TMPRSS11E: variants seen among roughly 807,000 people sequenced by gnomAD.
The protein encoded by TMPRSS11E is transmembrane protease serine 11E.
In TMPRSS11E, 38 loss-of-function variants were observed where a neutral mutation model predicts 48.1. The ratio of observed to expected loss-of-function variants is 0.79; its 90% CI spans 0.61 to 1.04. The LOEUF (loss-of-function observed/expected upper bound fraction) is 1.04, where lower values mean the gene tolerates loss of function less well. Ranked by LOEUF, TMPRSS11E falls within the 50% of genes least tolerant of loss-of-function variation. The pLI, the probability that TMPRSS11E is intolerant of heterozygous loss-of-function variation, is 0.00. For missense variants in TMPRSS11E, 530 were observed against 510.8 expected (o/e 1.04, Z -0.36); for synonymous variants, 158 against 171.9 (o/e 0.92, Z 0.63).
At chr4:68,468,779 G>C (rs1178231834) in intron 3 of TMPRSS11E, 100 bp from the exon 4 acceptor site, 3 of 896,344 alleles carry the variant, frequency 3.3e-6, no homozygotes, top group Non-Finnish European at 5.6e-6. Context: ...AATGTTTTTT[G>C]CTCTGTTTTG....
chr4:68,483,953 G>A (rs1404264768), intron 9 of TMPRSS11E, among the ~76,000 whole-genome samples: 1 of 152,120 alleles, frequency 6.6e-6, no homozygotes, highest in Non-Finnish European at 1.5e-5. Context: ...TAGACATGCA[G>A]CTTTACTTCT....
intron 1 of TMPRSS11E, among the ~76,000 whole-genome samples, chr4:68,450,945 T>C (rs1234877350): frequency 6.6e-6 from 1 of 151,980 alleles, no homozygotes; most frequent in African/African-American, 2.4e-5. Flanking sequence ...TGAATCTTTG[T>C]TGTTCTGTCA....
intron 9 of TMPRSS11E, among the ~76,000 whole-genome samples, chr4:68,491,227 C>G (rs988752190): frequency 7.1e-6 from 1 of 141,154 alleles, no homozygotes; most frequent in Non-Finnish European, 1.5e-5. Flanking sequence ...TTTCTTGGAG[C>G]CTTTTAAAAA....
At position 68,478,986 on chromosome 4, in the gene TMPRSS11E, T is replaced by C; in HGVS notation, c.1105T>C (p.Cys369Arg). 6.2e-7 allele frequency: 1 copy of C among 1,613,410 alleles called. No individual in the cohort carries two copies. Among genetic ancestry groups the C allele is most frequent in the Non-Finnish European group, 8.5e-7 (1 of 1,179,816 alleles). Reference sequence around the variant, plus strand: ...CTCCTTAGAAGGAAAAACAGATGCATGCCAGGTAAACAGTTTTGCCCATTA... The same window carrying C: ...CTCCTTAGAAGGAAAAACAGATGCACGCCAGGTAAACAGTTTTGCCCATTA... The part of the protein sequence containing the change: ...AGSLEGKTDA[C>R]QGDSGGPLVS... Residue 369 changes from cysteine (C) to arginine (R), a missense_variant, in exon 9 of 10, where the codon TGC becomes CGC. Transcript: ENST00000305363.
chr4:68,476,359 C>A lies in TMPRSS11E; in HGVS notation c.628C>A (p.Gln210Lys), dbSNP rs1400850758. 3 of 1,613,996 alleles carry A rather than the reference C, an allele frequency of 1.9e-6. No homozygotes were observed. Among genetic ancestry groups the A allele is most frequent in the African/African-American group, 1.3e-5 (1 of 74,914 alleles). Residue 210 changes from glutamine (Q) to lysine (K), a missense_variant, in exon 7 of 10, where the codon CAG becomes AAG. Gln to Lys is a moderately conservative substitution (Grantham distance 53). Coordinates refer to ENST00000305363, the MANE Select transcript of TMPRSS11E (RefSeq NM_014058.4). ...EGEWPWQASL[Q>K]WDGSHRCGAT... ...TGAATGGCCCTGGCAGGCTAGCCTG[C>A]AGTGGGATGGGAGTCATCGCTGTGG... is the stretch of plus-strand genomic sequence containing the variant.
At chr4:68,452,482 A>G (rs1387061296) in intron 1 of TMPRSS11E, among the ~76,000 whole-genome samples, 1 of 151,968 alleles carries the variant, frequency 6.6e-6, no homozygotes, top group African/African-American at 2.4e-5. Flanking sequence ...TTTTAATATT[A>G]CCATGACTTT....
At chr4:68,468,728 G>C in intron 3 of TMPRSS11E, 151 bp from the exon 4 acceptor site, 1 of 684,672 alleles carries the variant, frequency 1.5e-6, no homozygotes, top group Non-Finnish European at 2.6e-6. Context: ...AACCACAATA[G>C]ATTCCTCAAG....
chr4:68,451,055 G>A (rs1728484687), intron 1 of TMPRSS11E, among the ~76,000 whole-genome samples: 1 of 151,816 alleles, frequency 6.6e-6, no homozygotes, highest in Non-Finnish European at 1.5e-5. Flanking sequence ...AGTGTCGTGT[G>A]TTTCCGTATT....
chr4:68,479,315 A>G (rs1338772543), intron 9 of TMPRSS11E, among the ~76,000 whole-genome samples: 1 of 152,068 alleles, frequency 6.6e-6, no homozygotes, highest in Non-Finnish European at 1.5e-5. Context: ...AACATCTGGC[A>G]ATCACTAATT....
chr4:68,474,864 C>A, intron 6 of TMPRSS11E, 103 bp downstream of exon 6: 1 of 919,258 alleles, frequency 1.1e-6, no homozygotes, highest in Non-Finnish European at 1.7e-6. Context: ...GGACAGAACA[C>A]ATAAAGTTTG....
intron 4 of TMPRSS11E, 54 bp from the exon 5 acceptor site, chr4:68,471,406 C>T: frequency 1.4e-6 from 1 of 693,010 alleles, no homozygotes; most frequent in Non-Finnish European, 2.0e-6. Context: ...CCCTTCCTGC[C>T]TTTCTTTCTT....
chr4:68,472,325 A>G (rs911970018), intron 5 of TMPRSS11E, among the ~76,000 whole-genome samples: 2 of 152,076 alleles, frequency 1.3e-5, no homozygotes, highest in Non-Finnish European at 2.9e-5. Flanking sequence ...GTTACATTAA[A>G]AATAAAAATA....
At chr4:68,495,003 G>A (rs558777236) in intron 9 of TMPRSS11E, among the ~76,000 whole-genome samples, 8 of 152,232 alleles carry the variant, frequency 5.3e-5, no homozygotes, top group Admixed American at 4.6e-4. Context: ...TAATAGCTGA[G>A]TTGAAAGGGT....
At chr4:68,477,226 T>C (rs1244619996) in intron 7 of TMPRSS11E, 143 bp from the exon 8 acceptor site, 1 of 813,338 alleles carries the variant, frequency 1.2e-6, no homozygotes, top group Non-Finnish European at 1.9e-6. Context: ...CCCTGAGCCT[T>C]ATTATCAAAT....
At chr4:68,488,494 TAGG>T (rs989220211) in intron 9 of TMPRSS11E, among the ~76,000 whole-genome samples, 17 of 152,146 alleles carry the variant, frequency 1.1e-4, no homozygotes, top group African/African-American at 2.4e-5. Flanking sequence ...TTTTCAGCTC[TAGG>T]AGATCAGTTT....
chr4:68,485,175 C>T (rs915727055), intron 9 of TMPRSS11E, among the ~76,000 whole-genome samples: 1 of 151,966 alleles, frequency 6.6e-6, no homozygotes, highest in African/African-American at 2.4e-5. Context: ...GAGACAGAGT[C>T]TCGCTTTGTC....
chr4:68,467,976 A>C (rs1315465595), intron 3 of TMPRSS11E, among the ~76,000 whole-genome samples: 2 of 152,156 alleles, frequency 1.3e-5, no homozygotes, highest in Non-Finnish European at 2.9e-5. Context: ...TAATGCCTTC[A>C]AAATTAATAA....
At chr4:68,464,588 T>C (rs1220695035) in intron 2 of TMPRSS11E, among the ~76,000 whole-genome samples, 1 of 152,242 alleles carries the variant, frequency 6.6e-6, no homozygotes, top group African/African-American at 2.4e-5. Flanking sequence ...GCTGGTAATA[T>C]GTTTTAACAG....
At chr4:68,469,470 A>G (rs192581292) in intron 4 of TMPRSS11E, among the ~76,000 whole-genome samples, 7 of 152,134 alleles carry the variant, frequency 4.6e-5, no homozygotes, top group Admixed American at 4.6e-4. Context: ...AGATATTGAC[A>G]TAATACAAAT....
Sources: allele counts gnomAD v4.1 joint callset (sites outside exome capture counted in the v4.1 genomes callset), GRCh38; gene constraint gnomAD v4.1.1; transcripts MANE v1.5; gene names NCBI Gene and HGNC (gene_info 2026-07-23, HGNC 2026-07-21).